DNAH5: variants seen among roughly 807,000 people sequenced by gnomAD.
The protein encoded by DNAH5 is axonemal beta dynein heavy chain 5.
A neutral mutation model predicts 518.2 loss-of-function variants in DNAH5; 372 were observed. That is an observed-to-expected ratio of 0.72 (90% CI 0.66 to 0.78). DNAH5 has a LOEUF of 0.78. Ranked by LOEUF, DNAH5 falls within the 30% of genes least tolerant of loss-of-function variation. The probability of loss-of-function intolerance (pLI) is 0.00; values close to 1 mark genes in which losing one functional copy is unlikely to be tolerated. For synonymous variants in DNAH5, 2,039 were observed against 2,025.9 expected (o/e 1.01, Z -0.17); for missense variants, 5,523 against 5,687.0 (o/e 0.97, Z 0.93).
At chr5:13,735,957 A>C (rs751099855) in intron 66 of DNAH5, 25 bp from the exon 67 acceptor site, 36 of 1,561,544 alleles carry the variant, frequency 2.3e-5, no homozygotes, top group Non-Finnish European at 3.1e-5. Context: ...GCAAGGTTGC[A>C]TGTGCTACGA....
chr5:13,894,754 G>A lies in DNAH5; in HGVS notation c.2327C>T (p.Pro776Leu). 1 of 1,614,134 alleles carries A rather than the reference G, an allele frequency of 6.2e-7. No individual in the cohort carries two copies. Residue 776 changes from proline to leucine, a missense_variant, in exon 16 of 79, where the codon CCT (proline) becomes CTT (leucine). Physicochemically the swap from Pro to Leu is moderately conservative, Grantham distance 98. Coordinates refer to ENST00000265104, the MANE Select transcript of DNAH5 (RefSeq NM_001369.3). ...AGCTTCATCCACTTTGGCCAAGTGA[G>A]GGACAATCAATTGCTCAATGGCAGC... ...IPAAIEQLIV[P>L]HLAKVDEALQ...
intron 52 of DNAH5, among the ~76,000 whole-genome samples, chr5:13,784,344 A>G (rs946675811): frequency 6.6e-6 from 1 of 152,248 alleles, no homozygotes; most frequent in Non-Finnish European, 1.5e-5. Flanking sequence ...CTATAAATTA[A>G]GAGCGAATTT....
chr5:13,815,893 G>A (rs1433500477), intron 42 of DNAH5, among the ~76,000 whole-genome samples: 1 of 152,142 alleles, frequency 6.6e-6, no homozygotes, highest in African/African-American at 2.4e-5. Flanking sequence ...GACTGGGTAA[G>A]TTTCTTCTAG....
chr5:13,854,722 C>A (rs985350425), intron 30 of DNAH5, among the ~76,000 whole-genome samples: 1 of 152,092 alleles, frequency 6.6e-6, no homozygotes, highest in African/African-American at 2.4e-5. Flanking sequence ...TGCAATCCTA[C>A]TCTCTGATAA....
chr5:13,843,484 C>T (rs1198079808), intron 32 of DNAH5, among the ~76,000 whole-genome samples: 3 of 152,102 alleles, frequency 2.0e-5, no homozygotes, highest in Non-Finnish European at 4.4e-5. Flanking sequence ...AGTCCTAAGC[C>T]CTGATACCTG....
At chr5:13,705,710 G>A (rs1330428250) in intron 76 of DNAH5, among the ~76,000 whole-genome samples, 1 of 152,220 alleles carries the variant, frequency 6.6e-6, no homozygotes, top group East Asian at 1.9e-4. Flanking sequence ...AAGTGAAAAT[G>A]AAGGCATAAG....
intron 6 of DNAH5, 126 bp downstream of exon 6, chr5:13,920,354 C>A: frequency 7.7e-7 from 1 of 1,295,560 alleles, no homozygotes; most frequent in Non-Finnish European, 1.1e-6. Context: ...CATTGGACCT[C>A]TCACCTCCTC....
At chr5:13,734,412 A>C (rs1256149701) in intron 68 of DNAH5, among the ~76,000 whole-genome samples, 11 of 151,544 alleles carry the variant, frequency 7.3e-5, no homozygotes, top group African/African-American at 2.7e-4. Context: ...TAGTGAATTT[A>C]TGTTTTCCAG....
intron 53 of DNAH5, among the ~76,000 whole-genome samples, chr5:13,779,386 T>G (rs1754751995): frequency 6.6e-6 from 1 of 152,208 alleles, no homozygotes; most frequent in Non-Finnish European, 1.5e-5. Flanking sequence ...CTTAAATATT[T>G]GAATCTCCAA....
chr5:13,927,986 G>T (rs537942898), intron 3 of DNAH5, 108 bp downstream of exon 3: 1 of 909,886 alleles, frequency 1.1e-6, no homozygotes, highest in Non-Finnish European at 1.8e-6. Context: ...TCTCCCTCCC[G>T]CCCGCAAGGT....
At chr5:13,839,227 G>A in intron 35 of DNAH5, 129 bp downstream of exon 35, 1 of 812,742 alleles carries the variant, frequency 1.2e-6, no homozygotes, top group South Asian at 1.6e-5. Context: ...TGATAATAAA[G>A]CTAAAAATAC....
rs2151962601 is a variant in DNAH5, at chr5:13,901,194, C to T, written c.2052+58G>A. The T allele has an allele frequency of 2.6e-6, 4 of 1,565,678 alleles. No homozygotes were observed. The South Asian group carries it at 4.5e-5, about 18-fold the overall frequency. ...TCTAAAGAAATAACACTGTCAAATG[C>T]TAGAAGAGGGGTTCCCATGATTCCA... On this transcript the variant is annotated intron_variant, in intron 14 of 78. Coordinates refer to ENST00000265104, the MANE Select transcript of DNAH5 (RefSeq NM_001369.3).
At chr5:13,976,462 A>G (rs993435880) in intron 1 of DNAH5, among the ~76,000 whole-genome samples, 1 of 152,128 alleles carries the variant, frequency 6.6e-6, no homozygotes, top group South Asian at 2.1e-4. Context: ...CTGCCCATCT[A>G]TCACTCAGTA....
At position 13,898,516 on chromosome 5, in the gene DNAH5, T is replaced by C. The variant is rs1774186878; in HGVS notation, c.2259+1690A>G. The C allele has an allele frequency of 7.5e-6, 3 of 398,586 alleles. No individual in the cohort carries two copies. The South Asian group carries it at 3.8e-4, about 51-fold the overall frequency. 24.7% of individuals were successfully genotyped at this position (398,586 alleles called of 1,614,324 possible). A position where few individuals can be genotyped will look rare whatever the true frequency, so the allele number is the denominator to read the frequency against. On this transcript the variant is annotated intron_variant, in intron 15 of 78. Coordinates refer to ENST00000265104, the MANE Select transcript of DNAH5 (RefSeq NM_001369.3). ...GCCAATACAACTTTTTAATATGACA[T>C]GAAGTGGTGGGAAGACGATGGACTA...
rs144719798 is a variant in DNAH5 at position 13,823,286 on chromosome 5, G to T, written c.6664C>A (p.Leu2222Met). The stretch of plus-strand genomic sequence containing the variant: ...ACCTGTCTACTAATTGCTGCTTCCA[G>T]TTCAGGGTAACCTGCCTTGTCCAGA... ...ILLDKAGYPE[L>M]EAAISRQVEE... Residue 2222 changes from leucine (L) to methionine (M), a missense_variant, in exon 40 of 79, where the codon CTG becomes ATG. Physicochemically the swap from Leu to Met is conservative, Grantham distance 15. This residue lies in a region of DNAH5 where 5,121 missense variants were observed against 5,223.3 expected (regional missense o/e 0.98). Coordinates refer to ENST00000265104, the MANE Select transcript of DNAH5 (RefSeq NM_001369.3). 133 of 1,612,766 alleles carry T rather than the reference G, an allele frequency of 8.2e-5. No homozygotes were observed. The highest frequency in any genetic ancestry group is 1.1e-4 in the Non-Finnish European group (125 of 1,178,864).
At chr5:13,796,938 C>T (rs1416214904) in intron 47 of DNAH5, among the ~76,000 whole-genome samples, 6 of 152,290 alleles carry the variant, frequency 3.9e-5, no homozygotes, top group African/African-American at 1.2e-4. Flanking sequence ...CTGAGAAAAA[C>T]AAGAAATGAG....
chr5:13,752,442 G>C (rs1052734326), intron 63 of DNAH5, among the ~76,000 whole-genome samples, 153 bp from the exon 64 acceptor site: 1 of 152,166 alleles, frequency 6.6e-6, no homozygotes, highest in African/African-American at 2.4e-5. Context: ...AACTTGTTGA[G>C]AGCCCACATG....
intron 51 of DNAH5, 32 bp downstream of exon 51, chr5:13,788,684 G>A (rs1206729663): frequency 1.3e-6 from 2 of 1,578,022 alleles, no homozygotes; most frequent in Admixed American, 3.3e-5. Context: ...AACACCTTTT[G>A]GGGAATTCCA....
At chr5:13,764,404 GTAA>G (rs1752222568) in intron 59 of DNAH5, among the ~76,000 whole-genome samples, 1 of 151,992 alleles carries the variant, frequency 6.6e-6, no homozygotes, top group African/African-American at 2.4e-5. Context: ...ATTCTACAAA[GTAA>G]TAAAAAAAAT....
Sources: allele counts gnomAD v4.1 joint callset (sites outside exome capture counted in the v4.1 genomes callset), GRCh38; gene constraint gnomAD v4.1.1; regional missense constraint gnomAD v4.1.1; transcripts MANE v1.5; gene names NCBI Gene and HGNC (gene_info 2026-07-23, HGNC 2026-07-21).